The following NALCN variants were observed in gnomAD, a reference collection of about 807,000 sequenced individuals.
NALCN encodes sodium leak channel, non-selective.
In NALCN, 111 loss-of-function variants were observed where a neutral mutation model predicts 225.3. The observed-to-expected ratio is 0.49, with a 90% confidence interval of 0.42 to 0.58. NALCN has a LOEUF of 0.58. Among genes scored for constraint, NALCN ranks in the 20% least tolerant of loss-of-function variants. The pLI, the probability that NALCN is intolerant of heterozygous loss-of-function variation, is 0.00. For missense variants in NALCN, 1,378 were observed against 2,202.4 expected (o/e 0.63, Z 7.49); for synonymous variants, 764 against 769.0 (o/e 0.99, Z 0.11).
At chr13:101,307,518 C>T (rs536698156) in intron 7 of NALCN, among the ~76,000 whole-genome samples, 43 of 152,330 alleles carry the variant, frequency 2.8e-4, no homozygotes, top group African/African-American at 5.1e-4. Flanking sequence ...TGAATCCGTG[C>T]TCGCCTCCAC....
At position 101,111,153 on chromosome 13, in the gene NALCN, C is replaced by T. The variant is rs149203278; in HGVS notation, c.2266G>A (p.Val756Met). ...QPAKERSILS[V>M]QHHIRQERRS... ...CGCTCTTGGCGGATATGATGCTGCA[C>T]GCTGAGGATTGACCTCTCCTTTGCG... Residue 756 changes from valine to methionine, a missense_variant, in exon 19 of 44, where the codon GTG becomes ATG. Val to Met is a conservative substitution (Grantham distance 21, BLOSUM62 1). Coordinates refer to ENST00000251127, the MANE Select transcript of NALCN (RefSeq NM_052867.4). 3.4e-5 allele frequency: 54 copies of T among 1,608,310 alleles called. No individual in the cohort carries two copies. The highest frequency in any genetic ancestry group is 2.8e-4 in the African/African-American group (21 of 74,812).
In NALCN at chr13:101,091,330, G is replaced by A. The variant is rs114047176; in HGVS notation, c.3270-1364C>T. ...AAATTTAACCCTCAGGACAGGCAAC[G>A]CTCTAGGGAAAATCTGGTTCTGTAC... On this transcript the variant is annotated intron_variant, in intron 28 of 43. Transcript: ENST00000251127. 6.5e-3 allele frequency among the ~76,000 whole-genome samples: 984 copies of A among 152,190 alleles called. 13 individuals carry two copies. Among genetic ancestry groups the A allele is most frequent in the African/African-American group, 0.022 (918 of 41,516 alleles).
chr13:101,108,493 CATAG>C (rs1198688808), intron 20 of NALCN, among the ~76,000 whole-genome samples: 1 of 152,154 alleles, frequency 6.6e-6, no homozygotes, highest in Non-Finnish European at 1.5e-5. Context: ...CATAGAGAGA[CATAG>C]ACAGGCTAGA....
chr13:101,149,778 ACCT>A (rs1246964100), intron 15 of NALCN, among the ~76,000 whole-genome samples: 25 of 152,268 alleles, frequency 1.6e-4, no homozygotes, highest in African/African-American at 5.5e-4. Flanking sequence ...ACTGAATCAA[ACCT>A]CCTAAAAGCA....
At chr13:101,317,888 C>T (rs943682630) in intron 7 of NALCN, among the ~76,000 whole-genome samples, 10 of 152,136 alleles carry the variant, frequency 6.6e-5, no homozygotes, top group African/African-American at 2.4e-4. Context: ...TTTTTTAAAG[C>T]TAAAAACATT....
intron 17 of NALCN, among the ~76,000 whole-genome samples, chr13:101,139,506 A>C (rs2036962900): frequency 6.6e-6 from 1 of 152,174 alleles, no homozygotes; most frequent in African/African-American, 2.4e-5. Context: ...TCATGTTATG[A>C]GAATCACCGA....
chr13:101,358,453 A>T (rs565517175), intron 6 of NALCN, among the ~76,000 whole-genome samples: 58 of 152,318 alleles, frequency 3.8e-4, no homozygotes, highest in African/African-American at 1.4e-3. Context: ...AAAGCTCAAC[A>T]CCACTGATCA....
intron 37 of NALCN, among the ~76,000 whole-genome samples, chr13:101,070,238 T>C (rs1180737844): frequency 6.6e-6 from 1 of 152,176 alleles, no homozygotes; most frequent in East Asian, 1.9e-4. Flanking sequence ...GGCTAATTTT[T>C]TGTATCTTTA....
chr13:101,246,020 T>C (rs954313883), intron 11 of NALCN, among the ~76,000 whole-genome samples: 1 of 152,156 alleles, frequency 6.6e-6, no homozygotes, highest in African/African-American at 2.4e-5. Context: ...CTGGGGCCCT[T>C]GAGCTGCTGC....
At chr13:101,340,254 C>T (rs1343811175) in intron 7 of NALCN, among the ~76,000 whole-genome samples, 3 of 149,002 alleles carry the variant, frequency 2.0e-5, no homozygotes, top group Non-Finnish European at 1.5e-5. Flanking sequence ...GGCGACAGAC[C>T]GAGACTCCAT....
intron 15 of NALCN, among the ~76,000 whole-genome samples, chr13:101,173,523 T>C (rs1417182382): frequency 6.6e-6 from 1 of 152,102 alleles, no homozygotes; most frequent in Non-Finnish European, 1.5e-5. Context: ...AACACCTGCA[T>C]TGAATGGGTC....
intron 20 of NALCN, 127 bp from the exon 21 acceptor site, chr13:101,107,916 T>C (rs1366809161): frequency 2.6e-6 from 1 of 391,992 alleles, no homozygotes; most frequent in African/African-American, 2.1e-5. Flanking sequence ...TACATATATT[T>C]ACTGTTAAAC....
At chr13:101,355,422 TAAAC>T (rs1229728095) in intron 6 of NALCN, among the ~76,000 whole-genome samples, 2 of 151,484 alleles carry the variant, frequency 1.3e-5, no homozygotes, top group East Asian at 3.9e-4. Context: ...AAACGGACTT[TAAAC>T]AAACAAAGAT....
At chr13:101,313,151 CCCTT>C (rs1470247639) in intron 7 of NALCN, among the ~76,000 whole-genome samples, 1 of 152,070 alleles carries the variant, frequency 6.6e-6, no homozygotes, top group African/African-American at 2.4e-5. Context: ...GAAACTGGAT[CCCTT>C]CCTTACACCT....
intron 3 of NALCN, among the ~76,000 whole-genome samples, chr13:101,386,918 A>G (rs2047003261): frequency 6.6e-6 from 1 of 152,068 alleles, no homozygotes. Context: ...CATGGAAAAG[A>G]CTCTTTAAAA....
intron 26 of NALCN, among the ~76,000 whole-genome samples, 167 bp downstream of exon 26, chr13:101,103,005 G>A (rs1468502779): frequency 1.3e-5 from 2 of 152,200 alleles, no homozygotes; most frequent in Non-Finnish European, 2.9e-5. Context: ...AAGTGCCCAT[G>A]AGTAAAGTGT....
At chr13:101,118,332 T>A (rs571806793) in intron 18 of NALCN, among the ~76,000 whole-genome samples, 11 of 152,314 alleles carry the variant, frequency 7.2e-5, no homozygotes, top group Admixed American at 2.0e-4. Flanking sequence ...TAATCACTTT[T>A]GGGCTTAACT....
chr13:101,112,412 T>G (rs1427102354), intron 18 of NALCN, among the ~76,000 whole-genome samples: 2 of 152,220 alleles, frequency 1.3e-5, no homozygotes, highest in Non-Finnish European at 2.9e-5. Context: ...TGAATGATTT[T>G]GGTGAGAAAA....
intron 7 of NALCN, among the ~76,000 whole-genome samples, chr13:101,315,877 G>A (rs2044534928): frequency 2.5e-5 from 1 of 39,746 alleles, no homozygotes; most frequent in African/African-American, 8.7e-5. Flanking sequence ...CTCCTTTTAA[G>A]CTACCAAGCC....
Sources: gnomAD v4.1 joint callset for allele counts (sites outside exome capture counted in the v4.1 genomes callset) on GRCh38, gnomAD v4.1.1 for gene constraint, MANE v1.5 for transcripts, NCBI Gene and HGNC (gene_info 2026-07-23, HGNC 2026-07-21) for gene names.